GRIK5: variants seen among roughly 807,000 people sequenced by gnomAD.
The protein encoded by GRIK5 is glutamate receptor ionotropic, kainate 5.
A neutral mutation model predicts 97.4 loss-of-function variants in GRIK5; 43 were observed. That is an observed-to-expected ratio of 0.44 (90% CI 0.35 to 0.57). The LOEUF (loss-of-function observed/expected upper bound fraction) is 0.57, where lower values mean the gene tolerates loss of function less well. Ranked by LOEUF, GRIK5 falls within the 20% of genes least tolerant of loss-of-function variation. GRIK5 has a pLI of 0.01. For synonymous variants in GRIK5, 580 were observed against 583.5 expected, an observed-to-expected ratio of 0.99 and a Z score of 0.09; for missense variants, 1,015 against 1,382.0, an observed-to-expected ratio of 0.73 and a Z score of 4.21.
chr19:42,032,242 C>T (rs1304879883), intron 12 of GRIK5, among the ~76,000 whole-genome samples: 2 of 152,216 alleles, frequency 1.3e-5, no homozygotes, highest in Non-Finnish European at 2.9e-5. Context: ...TACTACTATG[C>T]AGCCAAGTAA....
intron 11 of GRIK5, among the ~76,000 whole-genome samples, chr19:42,044,674 G>C (rs1301026894): frequency 2.6e-5 from 4 of 152,246 alleles, no homozygotes; most frequent in African/African-American, 7.2e-5. Flanking sequence ...AATGAGCCAG[G>C]TGTAGTACCT....
chr19:42,046,368 A>C (rs531709662), intron 11 of GRIK5, among the ~76,000 whole-genome samples: 1 of 152,184 alleles, frequency 6.6e-6, no homozygotes, highest in Non-Finnish European at 1.5e-5. Context: ...TCAGAACAGA[A>C]GGGTCCTCAA....
rs1472533246 is a variant in GRIK5, at chr19:42,053,592, G to C, written c.1269+10C>G. 6.5e-7 allele frequency: 1 copy of C among 1,530,712 alleles called. No individual in the cohort carries two copies. The highest frequency in any genetic ancestry group is 1.7e-4 in the Middle Eastern group (1 of 5,824). The allele number at this position is 1,530,712 out of a possible 1,614,324, so 94.8% of individuals were successfully genotyped here. A position where few individuals can be genotyped will look rare whatever the true frequency, so the allele number is the denominator to read the frequency against. ...GCGCCACTCCCAGGCCCCCATCTAG[G>C]GCCACTCACCAGGATGGTTGTGACC... is the stretch of plus-strand genomic sequence containing the variant. On this transcript the variant is annotated intron_variant, in intron 11 of 19. Transcript: ENST00000593562.
chr19:42,062,583 A>G lies in GRIK5; in HGVS notation c.413T>C (p.Leu138Pro). ...LQYLRFASVS[L>P]YPSNEDVSLA... is the part of the protein sequence containing the mutation. ...GCTGACGTCCTCGTTACTGGGGTACAGGCTGACAGACGCGAAGCGAAGGTA... is the reference window on the plus strand; with the variant it reads ...GCTGACGTCCTCGTTACTGGGGTACGGGCTGACAGACGCGAAGCGAAGGTA... Residue 138 changes from leucine (L) to proline (P), a missense_variant, in exon 5 of 20, where the codon CTG becomes CCG. Leu to Pro is a moderately conservative substitution (Grantham distance 98). This residue lies in a region of GRIK5 where 198 missense variants were observed against 218.2 expected (regional missense o/e 0.91). Transcript: ENST00000593562. This position sits in a 1 kb window ranked among gnomAD's most constrained non-coding sequence, Gnocchi z 5.3. 6.2e-7 allele frequency: 1 copy of G among 1,614,212 alleles called. No individual in the cohort carries two copies. Among genetic ancestry groups the G allele is most frequent in the Non-Finnish European group, 8.5e-7 (1 of 1,180,030 alleles).
intron 15 of GRIK5, among the ~76,000 whole-genome samples, chr19:42,014,701 T>C (rs2146035032): frequency 1.3e-5 from 2 of 152,244 alleles, no homozygotes; most frequent in South Asian, 2.1e-4. Context: ...GAGAACCACC[T>C]GAACCCAGGA....
intron 12 of GRIK5, among the ~76,000 whole-genome samples, chr19:42,034,765 A>G (rs1174489986): frequency 1.3e-5 from 2 of 151,188 alleles, no homozygotes; most frequent in Admixed American, 6.6e-5. Context: ...TCCACGCACC[A>G]GACACTTTTA....
At position 41,999,716 on chromosome 19, in the gene GRIK5, T is replaced by C. The variant is rs889761435; in HGVS notation, c.2515-417A>G. Among the ~76,000 whole-genome samples, 85 of 152,330 alleles carry C rather than the reference T, an allele frequency of 5.6e-4. No homozygotes were observed. The highest frequency in any genetic ancestry group is 2.0e-3 in the African/African-American group (82 of 41,572). On this transcript the variant is annotated intron_variant, in intron 19 of 19. Transcript: ENST00000593562. This position sits in a 1 kb window ranked among gnomAD's most constrained non-coding sequence, Gnocchi z 5.0. ...GGCACTGTTCTGAGCACTGGGGATA[T>C]GGCAGAGAAGGAAACAGACAGAAGT...
intron 1 of GRIK5, chr19:42,068,961 GGTAA>G (rs1439716274): frequency 3.3e-6 from 2 of 602,692 alleles, no homozygotes; most frequent in Non-Finnish European, 6.0e-6. Flanking sequence ...AGGGGCCCGG[GGTAA>G]GTGAGAGCCC....
intron 15 of GRIK5, among the ~76,000 whole-genome samples, chr19:42,019,380 A>G (rs1398734342): frequency 6.6e-6 from 1 of 152,108 alleles, no homozygotes; most frequent in African/African-American, 2.4e-5. Flanking sequence ...CCCATGCTCT[A>G]CTGTTCTCTT....
intron 12 of GRIK5, among the ~76,000 whole-genome samples, chr19:42,027,183 G>A (rs1479008377): frequency 1.3e-5 from 2 of 152,216 alleles, no homozygotes; most frequent in Non-Finnish European, 2.9e-5. Context: ...GCGGTGAATA[G>A]AAACATACAA....
intron 1 of GRIK5, chr19:42,068,966 G>A (rs2076383256): frequency 6.7e-6 from 4 of 596,894 alleles, no homozygotes; most frequent in East Asian, 3.0e-5. Flanking sequence ...CCCGGGGTAA[G>A]TGAGAGCCCA....
chr19:42,056,895 G>A (rs2076194178), intron 7 of GRIK5, 30 bp downstream of exon 7: 2 of 1,607,082 alleles, frequency 1.2e-6, no homozygotes, highest in Non-Finnish European at 8.5e-7. Context: ...AAGGAAGTGG[G>A]GGCAGAGATG....
At chr19:42,054,504 A>G (rs769754857) in intron 8 of GRIK5, 32 bp from the exon 9 acceptor site, 37 of 1,603,242 alleles carry the variant, frequency 2.3e-5, no homozygotes, top group Non-Finnish European at 3.0e-5. Flanking sequence ...GGTGGGATGG[A>G]TAAGAGGCTG....
chr19:42,016,804 G>A (rs1401311286), intron 15 of GRIK5, among the ~76,000 whole-genome samples: 1 of 152,196 alleles, frequency 6.6e-6, no homozygotes, highest in East Asian at 1.9e-4. Context: ...CACCCTGGGA[G>A]GTGTTTGGTA....
intron 1 of GRIK5, among the ~76,000 whole-genome samples, chr19:42,067,664 C>G (rs1004698092): frequency 2.0e-5 from 3 of 152,110 alleles, no homozygotes; most frequent in Admixed American, 2.0e-4. Flanking sequence ...CAGGGACCCA[C>G]AGGTGGCAGC....
At chr19:42,011,858 T>C (rs2075566824) in intron 15 of GRIK5, among the ~76,000 whole-genome samples, 1 of 151,500 alleles carries the variant, frequency 6.6e-6, no homozygotes, top group African/African-American at 2.4e-5. Flanking sequence ...CCTATGGTCC[T>C]AGCTACACAG....
chr19:42,041,214 TGA>T (rs2075973408), intron 12 of GRIK5, among the ~76,000 whole-genome samples: 1 of 152,186 alleles, frequency 6.6e-6, no homozygotes, highest in Non-Finnish European at 1.5e-5. Context: ...AATTCTGGCA[TGA>T]GAGAGAGGAG....
chr19:42,025,975 G>A (rs989149734), intron 12 of GRIK5, among the ~76,000 whole-genome samples: 1 of 152,100 alleles, frequency 6.6e-6, no homozygotes, highest in Non-Finnish European at 1.5e-5. Flanking sequence ...AATAAATTCT[G>A]CAATGACTCT....
rs1412672984 is a variant in GRIK5, at chr19:42,062,218, T to C, written c.508+270A>G. Among the ~76,000 whole-genome samples, 1 of 152,146 alleles carries C rather than the reference T, an allele frequency of 6.6e-6. No individual in the cohort carries two copies. Among genetic ancestry groups the C allele is most frequent in the Non-Finnish European group, 1.5e-5 (1 of 68,014 alleles). On this transcript the variant is annotated intron_variant, in intron 5 of 19. Coordinates refer to ENST00000593562, the MANE Select transcript of GRIK5 (RefSeq NM_002088.5). This position sits in a 1 kb window ranked among gnomAD's most constrained non-coding sequence, Gnocchi z 5.3. Reference sequence around the variant, plus strand: ...CAATGACCTCCACTAGAACCGGAGTTCCAAGCACCCAGGGACCACGCCCAG... The same window carrying C: ...CAATGACCTCCACTAGAACCGGAGTCCCAAGCACCCAGGGACCACGCCCAG...
Sources: gnomAD v4.1 joint callset for allele counts (sites outside exome capture counted in the v4.1 genomes callset) on GRCh38, gnomAD v4.1.1 for gene constraint, gnomAD v4.1.1 regional missense constraint, Gnocchi (gnomAD v3.1) non-coding constraint, MANE v1.5 for transcripts, NCBI Gene and HGNC (gene_info 2026-07-23, HGNC 2026-07-21) for gene names.